PRKCE: variants seen among roughly 807,000 people sequenced by gnomAD.
The protein encoded by PRKCE is protein kinase C epsilon, also known as protein kinase C epsilon type.
A neutral mutation model predicts 85.4 loss-of-function variants in PRKCE; 16 were observed. The observed-to-expected ratio is 0.19, with a 90% CI of 0.13 to 0.28. PRKCE has a LOEUF of 0.28. Ranked by LOEUF, PRKCE falls within the 10% of genes least tolerant of loss-of-function variation. The pLI, the probability that PRKCE is intolerant of heterozygous loss-of-function variation, is 1.00. For missense variants in PRKCE, 573 were observed against 975.2 expected (o/e 0.59, Z 5.49); for synonymous variants, 388 against 371.5 (o/e 1.04, Z -0.51).
intron 1 of PRKCE, among the ~76,000 whole-genome samples, chr2:45,691,402 G>A (rs1202449682): frequency 1.3e-5 from 2 of 152,178 alleles, no homozygotes; most frequent in African/African-American, 2.4e-5. Context: ...ACTGAGTGAC[G>A]CAGGCTCAGG....
rs1398416692 is a variant in PRKCE at position 45,927,290 on chromosome 2, A to G, written c.413-49139A>G. Among the ~76,000 whole-genome samples, 4 of 152,210 alleles carry G rather than the reference A, an allele frequency of 2.6e-5. No individual in the cohort carries two copies. The East Asian group carries it at 7.7e-4, about 29-fold the overall frequency. On this transcript the variant is annotated intron_variant, in intron 2 of 14. Transcript: ENST00000306156. ...ACAAATGTAGTTGGATTTTTGTGGT[A>G]TTGGAACCTAGAGAAGGGAAGGAGA... is the stretch of plus-strand genomic sequence containing the variant.
chr2:45,952,986 A>G lies in PRKCE; in HGVS notation c.413-23443A>G, dbSNP rs79593172. Among the ~76,000 whole-genome samples the G allele has an allele frequency of 5.3e-5, 8 of 152,342 alleles. No individual in the cohort carries two copies. The East Asian group carries it at 1.3e-3, about 26-fold the overall frequency. ...CACCCTGACATCTCATTTTATGGACAGGGAGGTCAAGCCCGTTGCCTTTCT... is the reference window on the plus strand; with the variant it reads ...CACCCTGACATCTCATTTTATGGACGGGGAGGTCAAGCCCGTTGCCTTTCT... On this transcript the variant is annotated intron_variant, in intron 2 of 14. Transcript: ENST00000306156.
intron 11 of PRKCE, among the ~76,000 whole-genome samples, chr2:46,105,019 T>C (rs1262920923): frequency 3.4e-5 from 5 of 147,592 alleles, no homozygotes; most frequent in African/African-American, 7.4e-5. Flanking sequence ...ACATCTTCCT[T>C]TTTTTTTTTT....
At position 46,159,647 on chromosome 2, in the gene PRKCE, A is replaced by C. The variant is rs1426981918; in HGVS notation, c.1962A>C (p.Ala654=). ...CCCACAAGCGCCTGGGCTGTGTGGC[A>C]TCGCAGAATGGCGAGGACGCCATCA... ...KNPHKRLGCV[A]SQNGEDAIKQ... Residue 654 remains alanine (A), a synonymous_variant, in exon 14 of 15, where the codon GCA becomes GCC. Transcript: ENST00000306156. This position sits in a 1 kb window ranked among gnomAD's most constrained non-coding sequence, Gnocchi z 4.1. 6.3e-7 allele frequency: 1 copy of C among 1,599,306 alleles called. No homozygotes were observed. The highest frequency in any genetic ancestry group is 2.2e-5 in the East Asian group (1 of 44,884).
At chr2:45,660,056 TTGAA>T (rs372022691) in intron 1 of PRKCE, among the ~76,000 whole-genome samples, 30 of 152,170 alleles carry the variant, frequency 2.0e-4, no homozygotes, top group Admixed American at 5.9e-4. Context: ...TGGCACATTG[TTGAA>T]TGAATGAATG....
intron 1 of PRKCE, among the ~76,000 whole-genome samples, chr2:45,822,178 G>T (rs1296254825): frequency 2.0e-5 from 3 of 152,200 alleles, no homozygotes; most frequent in Non-Finnish European, 2.9e-5. Context: ...TATCAAATTT[G>T]TGTGTGTACA....
intron 11 of PRKCE, among the ~76,000 whole-genome samples, chr2:46,100,519 T>A (rs1159896434): frequency 6.6e-6 from 1 of 152,144 alleles, no homozygotes; most frequent in East Asian, 1.9e-4. Context: ...CCTAGTCCTG[T>A]CAGGATTGAG....
At chr2:45,744,470 TTTCTTTCTTTCTTTCTTTTTCTTTCTTTC>T (rs751953132) in intron 1 of PRKCE, among the ~76,000 whole-genome samples, 3,987 of 59,010 alleles carry the variant, frequency 0.068, 185 homozygotes, top group African/African-American at 0.11. Flanking sequence ...TCTTTCTTTC[TTTCTTTCTTTCTTTCTTTTTCTTTCTTTC>T]TTTTCTTTCT....
chr2:45,744,403 C>G (rs111395335), intron 1 of PRKCE, among the ~76,000 whole-genome samples: 2,590 of 150,732 alleles, frequency 0.017, 78 homozygotes, highest in African/African-American at 0.061. Flanking sequence ...GTCTTTCTCT[C>G]TTTCTTTTCT....
At chr2:46,084,687 A>T (rs1669413412) in intron 10 of PRKCE, among the ~76,000 whole-genome samples, 1 of 144,162 alleles carries the variant, frequency 6.9e-6, no homozygotes, top group Non-Finnish European at 1.5e-5. Context: ...GCACCACTGC[A>T]CTCCAGCCTA....
intron 2 of PRKCE, among the ~76,000 whole-genome samples, chr2:45,891,524 C>T (rs371045633): frequency 1.1e-4 from 17 of 152,290 alleles, no homozygotes; most frequent in African/African-American, 3.8e-4. Context: ...CCTTTTCACC[C>T]CGTCAAGTTT....
chr2:46,126,898 C>T (rs150541653), intron 11 of PRKCE, among the ~76,000 whole-genome samples: 5 of 152,308 alleles, frequency 3.3e-5, no homozygotes, highest in Non-Finnish European at 7.4e-5. Context: ...AGCAAAGACC[C>T]ACTTCAGCGG....
chr2:46,117,820 T>G (rs557325083), intron 11 of PRKCE, among the ~76,000 whole-genome samples: 28 of 152,292 alleles, frequency 1.8e-4, no homozygotes, highest in African/African-American at 6.0e-4. Context: ...AGGTACATAG[T>G]AGGTAATCAC....
Position 46,007,539 on chromosome 2 carries a change from T to A in PRKCE, c.1141T>A (p.Ser381Thr). The A allele has an allele frequency of 6.3e-7, 1 of 1,599,756 alleles. No homozygotes were observed. Among genetic ancestry groups the A allele is most frequent in the South Asian group, 1.1e-5 (1 of 91,086 alleles). ...NRGEEHRAAS[S>T]PDGQLMSPGE... is the part of the protein sequence containing the mutation. ...AGGAGAGGAGCACCGGGCAGCATCG[T>A]CTCCTGATGGCCAGCTGATGAGCCC... The change falls in exon 9 of 15, where the codon TCT becomes ACT. Residue 381 changes from serine to threonine, a missense_variant. Around this residue, in one of 11 missense-constraint regions of PRKCE, gnomAD observed 117 missense variants for 104.8 expected, o/e 1.12. Coordinates refer to ENST00000306156, the MANE Select transcript of PRKCE (RefSeq NM_005400.3).
At chr2:45,937,701 T>C (rs989943249) in intron 2 of PRKCE, among the ~76,000 whole-genome samples, 1 of 151,352 alleles carries the variant, frequency 6.6e-6, no homozygotes, top group African/African-American at 2.4e-5. Context: ...GGTGACAAAG[T>C]GAGACTCCGT....
At chr2:46,035,019 C>T (rs1160583202) in intron 10 of PRKCE, among the ~76,000 whole-genome samples, 1 of 152,240 alleles carries the variant, frequency 6.6e-6, no homozygotes, top group Non-Finnish European at 1.5e-5. Flanking sequence ...AGAGTCCCTT[C>T]TCGAAAGCAG....
intron 1 of PRKCE, among the ~76,000 whole-genome samples, chr2:45,771,946 C>G (rs1685371154): frequency 6.6e-6 from 1 of 152,088 alleles, no homozygotes; most frequent in Admixed American, 6.5e-5. Context: ...GGGCCCAAAC[C>G]ACAGCCCCCA....
rs1282391108 is a variant in PRKCE, at chr2:46,091,136, TG to T, written c.1592+4779del. Among the ~76,000 whole-genome samples, 5 of 144,288 alleles carry T rather than the reference TG, an allele frequency of 3.5e-5. No individual in the cohort carries two copies. In the East Asian group the frequency reaches 1.0e-3, roughly 30 times the overall value. 94.7% of individuals were successfully genotyped at this position (144,288 alleles called of 152,430 possible). On this transcript the variant is annotated intron_variant, in intron 11 of 14. Transcript: ENST00000306156. ...TCTGTGTCCCCTGCTGGACACGGGG[TG>T]GGGGAAGCAGGGGGAGGGCTGGGTG...
intron 1 of PRKCE, among the ~76,000 whole-genome samples, chr2:45,777,863 GA>G (rs1311867858): frequency 6.6e-6 from 1 of 152,148 alleles, no homozygotes; most frequent in African/African-American, 2.4e-5. Context: ...TCTTTTTGGA[GA>G]GAAAAGATAG....
Sources: gnomAD v4.1 joint callset for allele counts (sites outside exome capture counted in the v4.1 genomes callset) on GRCh38, gnomAD v4.1.1 for gene constraint, gnomAD v4.1.1 regional missense constraint, Gnocchi (gnomAD v3.1) non-coding constraint, MANE v1.5 for transcripts, NCBI Gene and HGNC (gene_info 2026-07-23, HGNC 2026-07-21) for gene names.